CPNE4: variants seen among roughly 807,000 people sequenced by gnomAD.
CPNE4 encodes the protein copine 4, also known as copine-4.
Under a neutral mutation model 67.9 loss-of-function variants are expected in CPNE4, and 25 were observed. The ratio of observed to expected loss-of-function variants is 0.37; its 90% CI spans 0.27 to 0.51. The LOEUF is 0.51. Among genes scored for constraint, CPNE4 ranks in the 20% least tolerant of loss-of-function variants. The pLI is 0.93. For missense variants in CPNE4, 464 were observed against 690.8 expected (o/e 0.67, Z 3.68); for synonymous variants, 242 against 244.9 (o/e 0.99, Z 0.11).
intron 2 of CPNE4, among the ~76,000 whole-genome samples, chr3:131,789,035 CAGAGAGAG>C (rs71136414): frequency 7.3e-6 from 1 of 137,304 alleles, no homozygotes; most frequent in Non-Finnish European, 1.6e-5. Flanking sequence ...CACACACACA[CAGAGAGAG>C]AGAGAGAGAG....
rs150186876 is a variant in CPNE4 at position 131,654,869 on chromosome 3, C to G, written c.681+14806G>C. 7.7e-3 allele frequency among the ~76,000 whole-genome samples: 1,172 copies of G among 152,288 alleles called. 14 individuals are homozygous for G. The highest frequency in any genetic ancestry group is 0.026 in the African/African-American group (1,098 of 41,546). On this transcript the variant is annotated intron_variant, in intron 7 of 15. Coordinates refer to ENST00000429747, the MANE Select transcript of CPNE4 (RefSeq NM_130808.3). ...AGTGGATAGAGGCTCACTAACCATA[C>G]TACAATACCCAGTCCAGTCCCCCAC... is the stretch of plus-strand genomic sequence containing the variant.
intron 2 of CPNE4, among the ~76,000 whole-genome samples, chr3:131,800,934 C>A (rs998447239): frequency 2.0e-5 from 3 of 152,084 alleles, no homozygotes; most frequent in Admixed American, 2.0e-4. Context: ...GAGGTAAATG[C>A]ATCAGATCAT....
At chr3:131,674,088 T>C (rs1419226617) in intron 6 of CPNE4, among the ~76,000 whole-genome samples, 2 of 152,152 alleles carry the variant, frequency 1.3e-5, no homozygotes, top group East Asian at 3.8e-4. Flanking sequence ...ATTTTTGTCC[T>C]TCATTCTGTT....
chr3:131,950,569 T>C (rs974860940), intron 1 of CPNE4, among the ~76,000 whole-genome samples: 5 of 152,222 alleles, frequency 3.3e-5, no homozygotes, highest in African/African-American at 1.2e-4. Context: ...GCTCTGCGTA[T>C]GTCTACAGGT....
intron 7 of CPNE4, among the ~76,000 whole-genome samples, chr3:131,660,757 GC>G (rs1184355945): frequency 6.6e-6 from 1 of 152,134 alleles, no homozygotes; most frequent in African/African-American, 2.4e-5. Context: ...CTGTGGAAGA[GC>G]CAGCCAATTC....
intron 2 of CPNE4, among the ~76,000 whole-genome samples, chr3:131,785,663 TTCTC>T (rs1275804498): frequency 1.0e-5 from 1 of 96,554 alleles, no homozygotes; most frequent in Non-Finnish European, 2.3e-5. Flanking sequence ...CTCTCTCTCT[TTCTC>T]TCTTTCTCTC....
At position 131,841,976 on chromosome 3, in the gene CPNE4, C is replaced by T. The variant is rs140449485; in HGVS notation, c.180+63288G>A. The stretch of plus-strand genomic sequence containing the variant: ...TGTGTGTAAAACAGCAGTGCTGAAA[C>T]ACGAGTTGAGACCTGCCCTCTGCCT... On this transcript the variant is annotated intron_variant, in intron 2 of 15. Transcript: ENST00000429747. Among the ~76,000 whole-genome samples, 318 of 152,204 alleles carry T rather than the reference C, an allele frequency of 2.1e-3. 1 individual carries two copies. The highest frequency in any genetic ancestry group is 4.8e-3 in the Admixed American group (74 of 15,282).
rs116238078 is a variant in CPNE4 at position 131,579,047 on chromosome 3, C to T, written c.867+2532G>A. ...AGAAGAAGATGCCATCAGGACTTTC[C>T]TGGCTAGAGAGAAGAAGTCACTGCC... On this transcript the variant is annotated intron_variant, in intron 9 of 15. Coordinates refer to ENST00000429747, the MANE Select transcript of CPNE4 (RefSeq NM_130808.3). 1.6e-3 allele frequency among the ~76,000 whole-genome samples: 238 copies of T among 152,306 alleles called. 2 individuals carry two copies. Among genetic ancestry groups the T allele is most frequent in the African/African-American group, 4.6e-3 (193 of 41,564 alleles).
intron 1 of CPNE4, among the ~76,000 whole-genome samples, chr3:131,912,531 T>TCTG (rs1460407418): frequency 6.6e-6 from 1 of 152,136 alleles, no homozygotes; most frequent in Non-Finnish European, 1.5e-5. Context: ...GTATAAGGGA[T>TCTG]CTGCTATGTG....
chr3:131,671,412 TC>T (rs1177888703), intron 6 of CPNE4, among the ~76,000 whole-genome samples: 1 of 152,038 alleles, frequency 6.6e-6, no homozygotes, highest in Non-Finnish European at 1.5e-5. Context: ...ACTAGAAATT[TC>T]CTCTGAAGTT....
intron 2 of CPNE4, among the ~76,000 whole-genome samples, chr3:131,745,513 TTCC>T (rs1377659063): frequency 3.3e-5 from 5 of 152,084 alleles, no homozygotes; most frequent in Non-Finnish European, 2.9e-5. Context: ...GCCCCAAAAT[TTCC>T]TCCTATTTTT....
chr3:131,754,737 G>A (rs982225523), intron 2 of CPNE4, among the ~76,000 whole-genome samples: 4 of 152,158 alleles, frequency 2.6e-5, no homozygotes, highest in Non-Finnish European at 4.4e-5. Context: ...GTGCCACGAA[G>A]CTATGGGTCA....
At chr3:131,780,257 T>C (rs1450607323) in intron 2 of CPNE4, among the ~76,000 whole-genome samples, 1 of 152,140 alleles carries the variant, frequency 6.6e-6, no homozygotes, top group Non-Finnish European at 1.5e-5. Flanking sequence ...CAGTCACTGT[T>C]GAAAGCAGTC....
intron 2 of CPNE4, among the ~76,000 whole-genome samples, chr3:131,847,406 T>G (rs1304662618): frequency 6.6e-6 from 1 of 152,182 alleles, no homozygotes; most frequent in East Asian, 1.9e-4. Flanking sequence ...TCTGAATAAT[T>G]TATCTTCCTG....
intron 2 of CPNE4, among the ~76,000 whole-genome samples, chr3:131,758,299 T>G (rs1172872051): frequency 6.6e-6 from 1 of 152,158 alleles, no homozygotes; most frequent in Non-Finnish European, 1.5e-5. Context: ...ACCCACCTCT[T>G]GCATCAACAT....
Position 131,629,282 on chromosome 3 carries a change from C to T in CPNE4, c.681+40393G>A, listed in dbSNP as rs561767463. ...TCAAGTTTAGATTTGGGAGGGGACG[C>T]AGCCAAACCATATCACCCTCCACCA... On this transcript the variant is annotated intron_variant, in intron 7 of 15. Transcript: ENST00000429747. 2.6e-5 allele frequency among the ~76,000 whole-genome samples: 4 copies of T among 152,262 alleles called. No individual in the cohort carries two copies. The South Asian group carries it at 8.3e-4, about 32-fold the overall frequency.
chr3:131,924,770 C>T (rs984606831), intron 1 of CPNE4, among the ~76,000 whole-genome samples: 1 of 152,074 alleles, frequency 6.6e-6, no homozygotes, highest in African/African-American at 2.4e-5. Context: ...GGAAATTAAA[C>T]CCCTAAACTA....
chr3:131,958,371 A>ACTGAT (rs2072040659), intron 1 of CPNE4, among the ~76,000 whole-genome samples: 1 of 152,144 alleles, frequency 6.6e-6, no homozygotes, highest in Admixed American at 6.5e-5. Context: ...TCCTTAAACC[A>ACTGAT]GCTGCAGCAG....
At chr3:131,949,175 G>A (rs2071646943) in intron 1 of CPNE4, among the ~76,000 whole-genome samples, 1 of 152,132 alleles carries the variant, frequency 6.6e-6, no homozygotes, top group Admixed American at 6.5e-5. Flanking sequence ...CCATCTCTAT[G>A]ATTTGCAGGG....
Sources: gnomAD v4.1 joint callset for allele counts (sites outside exome capture counted in the v4.1 genomes callset) on GRCh38, gnomAD v4.1.1 for gene constraint, MANE v1.5 for transcripts, NCBI Gene and HGNC (gene_info 2026-07-23, HGNC 2026-07-21) for gene names.